ZHX3: variants seen among roughly 807,000 people sequenced by gnomAD.
The protein encoded by ZHX3 is zinc fingers and homeoboxes protein 3.
In ZHX3, 20 loss-of-function variants were observed where a neutral mutation model predicts 64.5. The observed-to-expected ratio is 0.31, with a 90% confidence interval of 0.22 to 0.45. ZHX3 has a LOEUF of 0.45. Among genes scored for constraint, ZHX3 ranks in the 20% least tolerant of loss-of-function variants. The probability of loss-of-function intolerance (pLI) is 1.00; values close to 1 mark genes in which losing one functional copy is unlikely to be tolerated. For missense variants in ZHX3, 1,041 were observed against 1,195.8 expected, an observed-to-expected ratio of 0.87 and a Z score of 1.91; for synonymous variants, 423 against 461.6, an observed-to-expected ratio of 0.92 and a Z score of 1.07.
In ZHX3 at chr20:41,202,394, G is replaced by T; in HGVS notation, c.2523C>A (p.Val841=). 6.2e-7 allele frequency: 1 copy of T among 1,614,174 alleles called. No homozygotes were observed. Among genetic ancestry groups the T allele is most frequent in the South Asian group, 1.1e-5 (1 of 91,054 alleles). The change falls in exon 3 of 4, where the codon GTC becomes GTA. Residue 841 remains valine, a synonymous_variant. Transcript: ENST00000683867. The surrounding 1 kb of genome is among the most constrained non-coding windows in gnomAD (Gnocchi z 7.0). ...KRGNFPPGLL[V]IAPGNRELLQ... ...GGAGCTCCCGGTTGCCAGGGGCAAT[G>T]ACCAGTAGCCCTGGTGGGAAGTTGC... is the stretch of plus-strand genomic sequence containing the variant.
At chr20:41,239,645 G>A (rs2041252267) in intron 2 of ZHX3, 1 of 152,234 alleles carries the variant, frequency 6.6e-6, no homozygotes, top group Non-Finnish European at 1.5e-5. Flanking sequence ...CTGGGGGTGG[G>A]ACCAATCCTT....
Position 41,203,762 on chromosome 20 carries a change from C to T in ZHX3, c.1155G>A (p.Gln385=), listed in dbSNP as rs1380407916. ...GGGTATTTAGAACCGTAATTGTGGGCTGAGGCACAGACTGGATGACTGTAT... is the reference window on the plus strand; with the variant it reads ...GGGTATTTAGAACCGTAATTGTGGGTTGAGGCACAGACTGGATGACTGTAT... ...MFNTVIQSVP[Q]PTITVLNTPL... The change falls in exon 3 of 4, where the codon CAG becomes CAA. Residue 385 remains glutamine (Q), a synonymous_variant. Transcript: ENST00000683867. The surrounding 1 kb of genome is among the most constrained non-coding windows in gnomAD (Gnocchi z 7.1). 6.2e-7 allele frequency: 1 copy of T among 1,614,222 alleles called. No individual in the cohort carries two copies. Among genetic ancestry groups the T allele is most frequent in the East Asian group, 2.2e-5 (1 of 44,886 alleles).
At chr20:41,189,568 G>T (rs565051281) in intron 3 of ZHX3, among the ~76,000 whole-genome samples, 2 of 151,888 alleles carry the variant, frequency 1.3e-5, no homozygotes, top group East Asian at 3.9e-4. Flanking sequence ...AAATTTATTC[G>T]TAAGTATCTT....
chr20:41,259,368 C>A (rs953742074), intron 2 of ZHX3, among the ~76,000 whole-genome samples: 4 of 152,188 alleles, frequency 2.6e-5, no homozygotes, highest in Non-Finnish European at 1.5e-5. Context: ...CACCTTTGAT[C>A]CACAATTCTG....
chr20:41,241,483 C>G (rs1358308708), intron 2 of ZHX3, among the ~76,000 whole-genome samples: 1 of 152,016 alleles, frequency 6.6e-6, no homozygotes, highest in Non-Finnish European at 1.5e-5. Flanking sequence ...TTAATTGTTC[C>G]CCTTGCTGTG....
In ZHX3 at chr20:41,195,558, G is replaced by A. The variant is rs1476835832; in HGVS notation, c.2860+6499C>T. 6.6e-6 allele frequency among the ~76,000 whole-genome samples: 1 copy of A among 152,196 alleles called. No individual in the cohort carries two copies. The highest frequency in any genetic ancestry group is 2.1e-4 in the South Asian group (1 of 4,834). On this transcript the variant is annotated intron_variant, in intron 3 of 3. Transcript: ENST00000683867. This position sits in a 1 kb window ranked among gnomAD's most constrained non-coding sequence, Gnocchi z 4.2. ...AGCCTCCCAAGTAGCTGGGATTACA[G>A]GTGCCTGCCACCATGTCCACCTAAT...
chr20:41,264,219 G>A lies in ZHX3; in HGVS notation c.-151+4771C>T, dbSNP rs143136506. 6.3e-3 allele frequency among the ~76,000 whole-genome samples: 955 copies of A among 151,036 alleles called. 5 individuals are homozygous for A. Among genetic ancestry groups the A allele is most frequent in the Non-Finnish European group, 0.01 (688 of 67,762 alleles). On this transcript the variant is annotated intron_variant, in intron 2 of 3. Coordinates refer to ENST00000683867, the MANE Select transcript of ZHX3 (RefSeq NM_001384317.1). ...AGCTCAGGAGTTCGTGACCAGCCTCGGCAACATGGTGAAACCCCATCTCCA... is the reference window on the plus strand; with the variant it reads ...AGCTCAGGAGTTCGTGACCAGCCTCAGCAACATGGTGAAACCCCATCTCCA...
Position 41,196,433 on chromosome 20 carries a change from A to T in ZHX3, c.2860+5624T>A, listed in dbSNP as rs12329450. Among the ~76,000 whole-genome samples the T allele has an allele frequency of 6.1e-3, 34 of 5,544 alleles. 1 individual carries two copies. The highest frequency in any genetic ancestry group is 0.019 in the African/African-American group (26 of 1,390). The allele number at this position is 5,544 out of a possible 152,430, so 3.6% of individuals were successfully genotyped here. On this transcript the variant is annotated intron_variant, in intron 3 of 3. Coordinates refer to ENST00000683867, the MANE Select transcript of ZHX3 (RefSeq NM_001384317.1). Reference sequence around the variant, plus strand: ...ATTATATATAATATATATTTATATAAATATATATATTATATATAATATATT... The same window carrying T: ...ATTATATATAATATATATTTATATATATATATATATTATATATAATATATT...
intron 3 of ZHX3, among the ~76,000 whole-genome samples, chr20:41,190,469 C>A (rs2036921221): frequency 6.6e-6 from 1 of 152,130 alleles, no homozygotes; most frequent in Non-Finnish European, 1.5e-5. Flanking sequence ...CCATGCCCAG[C>A]CAAGGATTAT....
chr20:41,260,218 C>T (rs2042488103), intron 2 of ZHX3, among the ~76,000 whole-genome samples: 2 of 149,692 alleles, frequency 1.3e-5, no homozygotes, highest in African/African-American at 2.5e-5. Flanking sequence ...GCCACTTTTA[C>T]CATCTTAAAT....
At chr20:41,298,960 G>A (rs540930094) in intron 1 of ZHX3, among the ~76,000 whole-genome samples, 59 of 143,326 alleles carry the variant, frequency 4.1e-4, no homozygotes, top group Middle Eastern at 3.5e-3. Flanking sequence ...TAACCAAGAG[G>A]TGTCCCCTAC....
intron 1 of ZHX3, among the ~76,000 whole-genome samples, chr20:41,302,150 G>A (rs1276576855): frequency 6.7e-6 from 1 of 148,338 alleles, no homozygotes; most frequent in Admixed American, 6.8e-5. Context: ...AACTTCTTCA[G>A]AGCCCAGGTT....
intron 2 of ZHX3, among the ~76,000 whole-genome samples, chr20:41,264,994 C>T (rs911978400): frequency 3.7e-4 from 56 of 152,092 alleles, no homozygotes; most frequent in African/African-American, 1.3e-3. Context: ...AAAAAACAAA[C>T]TATGCAGTCA....
At chr20:41,197,270 A>G (rs1450122384) in intron 3 of ZHX3, 1 of 146,190 alleles carries the variant, frequency 6.8e-6, no homozygotes, top group East Asian at 1.9e-4. Flanking sequence ...ATATAATTGT[A>G]TATATTTAAA....
At chr20:41,266,717 T>C (rs2146600845) in intron 2 of ZHX3, among the ~76,000 whole-genome samples, 1 of 151,996 alleles carries the variant, frequency 6.6e-6, no homozygotes, top group Non-Finnish European at 1.5e-5. Flanking sequence ...AGCTAATTTT[T>C]TGTATTTTTA....
At chr20:41,247,972 T>C (rs990079556) in intron 2 of ZHX3, among the ~76,000 whole-genome samples, 3 of 152,214 alleles carry the variant, frequency 2.0e-5, no homozygotes, top group Admixed American at 6.5e-5. Flanking sequence ...GCCTACAGTA[T>C]AAATTCCTAA....
chr20:41,247,532 A>C (rs1389116901), intron 2 of ZHX3, among the ~76,000 whole-genome samples: 1 of 152,182 alleles, frequency 6.6e-6, no homozygotes. Flanking sequence ...AAGTATCTTT[A>C]ACAGGCATTA....
chr20:41,257,449 C>T (rs759553572), intron 2 of ZHX3, among the ~76,000 whole-genome samples: 7 of 152,128 alleles, frequency 4.6e-5, no homozygotes, highest in Non-Finnish European at 1.0e-4. Flanking sequence ...GGACAGTCAT[C>T]ATTCATATTT....
rs180854139 is a variant in ZHX3 at position 41,187,499 on chromosome 20, A to G, written c.2861-2298T>C. Among the ~76,000 whole-genome samples the G allele has an allele frequency of 3.3e-5, 5 of 152,284 alleles. No homozygotes were observed. The East Asian group carries it at 9.7e-4, about 29-fold the overall frequency. On this transcript the variant is annotated intron_variant, in intron 3 of 3. Coordinates refer to ENST00000683867, the MANE Select transcript of ZHX3 (RefSeq NM_001384317.1). ...TAATTTCATACTTTTGCATGTATAT[A>G]TCCAGTTTCCCAGCACCTTTTGGTG...
Sources: gnomAD v4.1 joint callset for allele counts (sites outside exome capture counted in the v4.1 genomes callset) on GRCh38, gnomAD v4.1.1 for gene constraint, Gnocchi (gnomAD v3.1) non-coding constraint, MANE v1.5 for transcripts, NCBI Gene and HGNC (gene_info 2026-07-23, HGNC 2026-07-21) for gene names.